The following ADAMTS20 variants were observed in gnomAD, a reference collection of about 807,000 sequenced individuals.
The protein encoded by ADAMTS20 is ADAM metallopeptidase with thrombospondin type 1 motif 20, also known as A disintegrin and metalloproteinase with thrombospondin motifs 20.
A neutral mutation model predicts 260.1 loss-of-function variants in ADAMTS20; 225 were observed. The observed-to-expected ratio is 0.87, with a 90% CI of 0.78 to 0.97. ADAMTS20 has a LOEUF of 0.97. ADAMTS20 is among the 50% of genes least tolerant of loss of function. ADAMTS20 has a pLI of 0.00. For missense variants in ADAMTS20, 2,400 were observed against 2,337.7 expected, an observed-to-expected ratio of 1.03 and a Z score of -0.55; for synonymous variants, 802 against 769.5, an observed-to-expected ratio of 1.04 and a Z score of -0.70.
intron 29 of ADAMTS20, among the ~76,000 whole-genome samples, chr12:43,390,962 A>G (rs1940583942): frequency 6.6e-6 from 1 of 152,186 alleles, no homozygotes. Flanking sequence ...CCTCATTATC[A>G]GTACCAATTT....
intron 14 of ADAMTS20, among the ~76,000 whole-genome samples, chr12:43,450,924 A>G (rs909530791): frequency 1.3e-5 from 2 of 152,088 alleles, no homozygotes; most frequent in Admixed American, 1.3e-4. Flanking sequence ...TGATCCAGCA[A>G]CCTCACTACT....
intron 2 of ADAMTS20, among the ~76,000 whole-genome samples, chr12:43,549,430 CTACT>C (rs1354637437): frequency 6.6e-6 from 1 of 151,798 alleles, no homozygotes; most frequent in African/African-American, 2.4e-5. Flanking sequence ...ATATATATAC[CTACT>C]ATGTACCCAC....
intron 12 of ADAMTS20, 72 bp from the exon 13 acceptor site, chr12:43,452,767 A>T: frequency 7.4e-7 from 1 of 1,355,540 alleles, no homozygotes; most frequent in Non-Finnish European, 9.8e-7. Flanking sequence ...TAAAAGTTCC[A>T]TTCTTTTCCA....
At chr12:43,545,272 C>T (rs1024814036) in intron 2 of ADAMTS20, among the ~76,000 whole-genome samples, 1 of 152,202 alleles carries the variant, frequency 6.6e-6, no homozygotes, top group South Asian at 2.1e-4. Context: ...ATACATTGAA[C>T]AAACCTACCA....
chr12:43,552,072 G>T lies in ADAMTS20; in HGVS notation c.-151C>A, dbSNP rs1001929738. Among the ~76,000 whole-genome samples, 5 of 152,132 alleles carry T rather than the reference G, an allele frequency of 3.3e-5. No homozygotes were observed. Among genetic ancestry groups the T allele is most frequent in the African/African-American group, 9.7e-5 (4 of 41,430 alleles). On this transcript the variant is annotated 5_prime_UTR_variant, in exon 1 of 39. Transcript: ENST00000389420. The stretch of plus-strand genomic sequence containing the variant: ...GGAACAGCAGCGCGGGCCCTGGGCC[G>T]GCTGGTCCAGCCACACCGCCTGTCT...
intron 31 of ADAMTS20, among the ~76,000 whole-genome samples, chr12:43,379,820 G>A (rs1345624094): frequency 6.6e-6 from 1 of 152,118 alleles, no homozygotes; most frequent in African/African-American, 2.4e-5. Context: ...CAAGTAAAGA[G>A]ATTAAATTTG....
intron 29 of ADAMTS20, among the ~76,000 whole-genome samples, chr12:43,389,235 T>C (rs946006432): frequency 6.6e-6 from 1 of 152,176 alleles, no homozygotes; most frequent in African/African-American, 2.4e-5. Context: ...CAAGGTATAA[T>C]TGATTCATCC....
chr12:43,515,296 C>A (rs1459737512), intron 3 of ADAMTS20, among the ~76,000 whole-genome samples: 1 of 152,130 alleles, frequency 6.6e-6, no homozygotes, highest in Non-Finnish European at 1.5e-5. Context: ...TGATATAATA[C>A]TATTTTCAAC....
intron 2 of ADAMTS20, among the ~76,000 whole-genome samples, chr12:43,548,901 A>G (rs968444140): frequency 6.6e-6 from 1 of 152,066 alleles, no homozygotes; most frequent in Non-Finnish European, 1.5e-5. Flanking sequence ...TTCTGATAAT[A>G]TCAATAAATT....
chr12:43,422,750 A>C (rs1941259538), intron 28 of ADAMTS20: 1 of 152,100 alleles, frequency 6.6e-6, no homozygotes, highest in South Asian at 2.1e-4. Context: ...TAATAACACT[A>C]AATAATTCTG....
chr12:43,451,153 T>C (rs1041741806), intron 14 of ADAMTS20, among the ~76,000 whole-genome samples: 1 of 152,146 alleles, frequency 6.6e-6, no homozygotes, highest in African/African-American at 2.4e-5. Context: ...TGGAGGACAC[T>C]GGGTTAAATG....
rs1244262886 is a variant in ADAMTS20 at position 43,479,727 on chromosome 12, GA to G, written c.1117+10667del. Among the ~76,000 whole-genome samples, 6 of 151,928 alleles carry G rather than the reference GA, an allele frequency of 3.9e-5. No homozygotes were observed. In the East Asian group the frequency reaches 9.6e-4, roughly 24 times the overall value. ...TTGATAGTCTCAAATAATAAAATTA[GA>G]AAAGAAGAAATCCTGGACATTAATC... On this transcript the variant is annotated intron_variant, in intron 7 of 38. Transcript: ENST00000389420.
chr12:43,471,451 G>A (rs7135511), intron 7 of ADAMTS20, among the ~76,000 whole-genome samples: 1 of 82,388 alleles, frequency 1.2e-5, no homozygotes, highest in Non-Finnish European at 2.4e-5. Context: ...GTAAACAAAG[G>A]AGCCAGGAAG....
chr12:43,462,783 C>T (rs1409282403), intron 11 of ADAMTS20, 112 bp downstream of exon 11: 6 of 757,854 alleles, frequency 7.9e-6, no homozygotes, highest in Admixed American at 5.4e-5. Context: ...AACATTAATT[C>T]GACTAGCTGA....
intron 28 of ADAMTS20, among the ~76,000 whole-genome samples, chr12:43,400,457 C>G (rs1156517798): frequency 6.6e-6 from 1 of 151,956 alleles, no homozygotes; most frequent in African/African-American, 2.4e-5. Flanking sequence ...TTATTAAGAA[C>G]TATTATCATA....
At chr12:43,430,232 T>C (rs1941414485) in intron 23 of ADAMTS20, 120 bp downstream of exon 23, 1 of 1,198,126 alleles carries the variant, frequency 8.3e-7, no homozygotes, top group Middle Eastern at 2.2e-4. Flanking sequence ...CTCTCACACA[T>C]ACACGTGTTT....
intron 15 of ADAMTS20, among the ~76,000 whole-genome samples, chr12:43,445,269 G>T (rs573891892): frequency 1.5e-4 from 23 of 152,036 alleles, no homozygotes; most frequent in African/African-American, 5.5e-4. Context: ...GGTTCATGTG[G>T]CTTTATCCTG....
At position 43,438,559 on chromosome 12, in the gene ADAMTS20, G is replaced by GGACC. The variant is rs1316587774; in HGVS notation, c.2593+1062_2593+1063insGGTC. On this transcript the variant is annotated intron_variant, in intron 18 of 38. Transcript: ENST00000389420. ...AAATCATTCTGGGAAGCACTGTCCA[G>GGACC]ATGCCACAGGACCAAGACTGTGCCT... is the stretch of plus-strand genomic sequence containing the variant. Among the ~76,000 whole-genome samples, 7 of 152,226 alleles carry GGACC rather than the reference G, an allele frequency of 4.6e-5. No individual in the cohort carries two copies. The East Asian group carries it at 1.4e-3, about 29-fold the overall frequency.
Position 43,552,012 on chromosome 12 carries a change from T to G in ADAMTS20, c.-91A>C. On this transcript the variant is annotated 5_prime_UTR_variant, in exon 1 of 39. Transcript: ENST00000389420. ...CTCGCGCTCCGATCCCTCTCCTCCC[T>G]CTCGCCCGCCGCTCTCCGCGCCTCA... The G allele has an allele frequency of 9.3e-7, 1 of 1,076,258 alleles. No individual in the cohort carries two copies. Among genetic ancestry groups the G allele is most frequent in the Admixed American group, 1.9e-5 (1 of 51,522 alleles). The allele number at this position is 1,076,258 out of a possible 1,614,324, so 66.7% of individuals were successfully genotyped here.
Sources: allele counts gnomAD v4.1 joint callset (sites outside exome capture counted in the v4.1 genomes callset), GRCh38; gene constraint gnomAD v4.1.1; transcripts MANE v1.5; gene names NCBI Gene and HGNC (gene_info 2026-07-23, HGNC 2026-07-21).